The following PTPRN2 variants were observed in gnomAD, a reference collection of about 807,000 sequenced individuals.
PTPRN2 encodes receptor-type tyrosine-protein phosphatase N2.
PTPRN2 carries 74 observed loss-of-function variants against 118.8 expected under a neutral mutation model. The ratio of observed to expected loss-of-function variants is 0.62; its 90% CI spans 0.52 to 0.76. PTPRN2 has a LOEUF of 0.76. Ranked by LOEUF, PTPRN2 falls within the 30% of genes least tolerant of loss-of-function variation. The pLI is 0.00. For missense variants in PTPRN2, 1,481 were observed against 1,394.4 expected (o/e 1.06, Z -0.99); for synonymous variants, 641 against 608.0 (o/e 1.05, Z -0.80).
chr7:158,160,301 C>A (rs1021618794), intron 6 of PTPRN2, among the ~76,000 whole-genome samples: 1 of 152,084 alleles, frequency 6.6e-6, no homozygotes. Flanking sequence ...GGTGGGCGGG[C>A]ACTGTCCAAA....
chr7:157,947,175 T>A (rs1285900943), intron 11 of PTPRN2, among the ~76,000 whole-genome samples: 1 of 151,104 alleles, frequency 6.6e-6, no homozygotes, highest in Non-Finnish European at 1.5e-5. Flanking sequence ...AAGGGGTACT[T>A]CTTCCAAGTG....
chr7:158,569,439 T>A (rs1349533992), intron 1 of PTPRN2, among the ~76,000 whole-genome samples: 1 of 152,230 alleles, frequency 6.6e-6, no homozygotes, highest in Non-Finnish European at 1.5e-5. Flanking sequence ...CGAGACTCCC[T>A]GACACCCTCC....
intron 2 of PTPRN2, among the ~76,000 whole-genome samples, chr7:158,403,364 C>T (rs957801189): frequency 6.6e-6 from 1 of 152,258 alleles, no homozygotes; most frequent in Non-Finnish European, 1.5e-5. Context: ...CTCCACCAGG[C>T]TGCAGGCAGG....
chr7:158,411,114 G>A (rs1188459269), intron 2 of PTPRN2, among the ~76,000 whole-genome samples: 1 of 152,038 alleles, frequency 6.6e-6, no homozygotes, highest in Non-Finnish European at 1.5e-5. Flanking sequence ...CCCGAGAGGA[G>A]GCCTCGCTCT....
intron 1 of PTPRN2, among the ~76,000 whole-genome samples, chr7:158,490,399 G>C (rs1210655123): frequency 6.6e-6 from 1 of 152,226 alleles, no homozygotes; most frequent in African/African-American, 2.4e-5. Context: ...CGGGGCAGAG[G>C]CAGCGCCTCA....
chr7:158,479,447 T>C (rs1023660400), intron 2 of PTPRN2, among the ~76,000 whole-genome samples: 8 of 152,164 alleles, frequency 5.3e-5, no homozygotes, highest in Non-Finnish European at 1.2e-4. Context: ...CAGAACTTTT[T>C]TTCCTCTCCA....
At position 157,599,318 on chromosome 7, in the gene PTPRN2, T is replaced by A. The variant is rs150980165; in HGVS notation, c.2419-4003A>T. On this transcript the variant is annotated intron_variant, in intron 16 of 22. Coordinates refer to ENST00000389418, the MANE Select transcript of PTPRN2 (RefSeq NM_002847.5). The stretch of plus-strand genomic sequence containing the variant: ...AGCCACTGCGCCTGGCTTACTTTTT[T>A]AAAATAAAAATAAAGCCCATTTGTC... 3.1e-3 allele frequency among the ~76,000 whole-genome samples: 471 copies of A among 152,284 alleles called. 6 individuals carry two copies. Among genetic ancestry groups the A allele is most frequent in the African/African-American group, 0.011 (440 of 41,562 alleles).
At chr7:158,302,910 G>A (rs1800996378) in intron 3 of PTPRN2, among the ~76,000 whole-genome samples, 1 of 152,232 alleles carries the variant, frequency 6.6e-6, no homozygotes, top group South Asian at 2.1e-4. Flanking sequence ...GACACAGAAT[G>A]AGTGGGAGGC....
At chr7:157,639,895 A>C (rs2150690919) in intron 14 of PTPRN2, among the ~76,000 whole-genome samples, 1 of 152,370 alleles carries the variant, frequency 6.6e-6, no homozygotes, top group African/African-American at 2.4e-5. Flanking sequence ...TTGAGGCTCA[A>C]ACACATGAGT....
At chr7:158,109,290 T>C (rs1815987918) in intron 10 of PTPRN2, among the ~76,000 whole-genome samples, 1 of 142,480 alleles carries the variant, frequency 7.0e-6, no homozygotes, top group South Asian at 2.2e-4. Flanking sequence ...AGACAGTGAG[T>C]GAATGACATC....
At chr7:158,047,878 A>G (rs1809000792) in intron 11 of PTPRN2, among the ~76,000 whole-genome samples, 1 of 152,152 alleles carries the variant, frequency 6.6e-6, no homozygotes, top group Admixed American at 6.5e-5. Flanking sequence ...GCAACCCACC[A>G]ATGTGGCATT....
In PTPRN2 at chr7:157,801,025, A is replaced by G. The variant is rs1241663012; in HGVS notation, c.1788+97648T>C. 1.4e-5 allele frequency among the ~76,000 whole-genome samples: 2 copies of G among 147,904 alleles called. No individual in the cohort carries two copies. Among genetic ancestry groups the G allele is most frequent in the Non-Finnish European group, 3.0e-5 (2 of 66,732 alleles). On this transcript the variant is annotated intron_variant, in intron 12 of 22. Coordinates refer to ENST00000389418, the MANE Select transcript of PTPRN2 (RefSeq NM_002847.5). This position sits in a 1 kb window ranked among gnomAD's most constrained non-coding sequence, Gnocchi z 4.2. ...CACACATATACATATACACACACAT[A>G]TATATACACATATATATACACATAT...
intron 2 of PTPRN2, among the ~76,000 whole-genome samples, chr7:158,445,100 G>A (rs796339779): frequency 8.5e-5 from 13 of 152,190 alleles, no homozygotes; most frequent in African/African-American, 3.1e-4. Context: ...CTTCACCCTC[G>A]CTGGGCAAGA....
intron 14 of PTPRN2, 44 bp from the exon 15 acceptor site, chr7:157,621,553 C>A (rs1289055230): frequency 2.5e-6 from 4 of 1,600,434 alleles, no homozygotes; most frequent in Non-Finnish European, 3.4e-6. Flanking sequence ...AGGTGGTGAG[C>A]CCAGACCGGC....
chr7:158,331,532 C>A (rs1804443977), intron 2 of PTPRN2, among the ~76,000 whole-genome samples: 1 of 146,278 alleles, frequency 6.8e-6, no homozygotes, highest in Non-Finnish European at 1.5e-5. Flanking sequence ...CACACCCACA[C>A]TGTCACCATA....
intron 12 of PTPRN2, among the ~76,000 whole-genome samples, chr7:157,728,418 G>A (rs1361919716): frequency 2.0e-5 from 3 of 152,252 alleles, no homozygotes; most frequent in East Asian, 1.9e-4. Flanking sequence ...GGCTCCTGGC[G>A]CCCATGGCGG....
intron 5 of PTPRN2, among the ~76,000 whole-genome samples, chr7:158,177,646 C>T (rs896125058): frequency 6.6e-6 from 1 of 152,160 alleles, no homozygotes; most frequent in Non-Finnish European, 1.5e-5. Flanking sequence ...AACAATAGCT[C>T]CTCTTTTGTC....
At chr7:157,595,419 G>C in intron 16 of PTPRN2, 104 bp from the exon 17 acceptor site, 1 of 1,083,842 alleles carries the variant, frequency 9.2e-7, no homozygotes, top group Non-Finnish European at 1.4e-6. Flanking sequence ...AAACCCGGAG[G>C]TTAGGAAGCC....
chr7:158,587,616 G>A lies in PTPRN2; in HGVS notation c.54C>T (p.Arg18=), dbSNP rs1427464806. 1 of 1,361,676 alleles carries A rather than the reference G, an allele frequency of 7.3e-7. No individual in the cohort carries two copies. Among genetic ancestry groups the A allele is most frequent in the Non-Finnish European group, 9.4e-7 (1 of 1,063,430 alleles). 84.3% of individuals were successfully genotyped at this position (1,361,676 alleles called of 1,614,324 possible). A position where few individuals can be genotyped will look rare whatever the true frequency, so the allele number is the denominator to read the frequency against. The change falls in exon 1 of 23, where the codon CGC becomes CGT. Residue 18 remains arginine (R), a synonymous_variant. Coordinates refer to ENST00000389418, the MANE Select transcript of PTPRN2 (RefSeq NM_002847.5). ...LLLLLLLLPP[R]VLPAAPSSVP... is the part of the protein sequence containing the mutation. ...CGGACGAAGGGGCGGCAGGCAGGAC[G>A]CGTGGCGGCAGCAGCAGCAGTAGCA...
Sources: gnomAD v4.1 joint callset for allele counts (sites outside exome capture counted in the v4.1 genomes callset) on GRCh38, gnomAD v4.1.1 for gene constraint, Gnocchi (gnomAD v3.1) non-coding constraint, MANE v1.5 for transcripts, NCBI Gene and HGNC (gene_info 2026-07-23, HGNC 2026-07-21) for gene names.